The following PTBP3 variants were observed in gnomAD, a reference collection of about 807,000 sequenced individuals.
PTBP3 encodes the protein polypyrimidine tract binding protein 3.
PTBP3 carries 20 observed loss-of-function variants against 58.7 expected under a neutral mutation model. That is an observed-to-expected ratio of 0.34 (90% CI 0.24 to 0.50). The LOEUF (loss-of-function observed/expected upper bound fraction) is 0.50. Among genes scored for constraint, PTBP3 ranks in the 20% least tolerant of loss-of-function variants. PTBP3 has a pLI of 0.98. For missense variants in PTBP3, 509 were observed against 637.2 expected (o/e 0.80, Z 2.17); for synonymous variants, 185 against 219.8 (o/e 0.84, Z 1.40).
chr9:112,245,287 G>A (rs539245939), intron 7 of PTBP3, among the ~76,000 whole-genome samples: 3 of 152,208 alleles, frequency 2.0e-5, no homozygotes, highest in Non-Finnish European at 4.4e-5. Flanking sequence ...TCCAGCCTGG[G>A]CAGAGCGAGA....
chr9:112,362,300 C>G, the PTBP3 span, among the ~76,000 whole-genome samples: 1 of 152,092 alleles, frequency 6.6e-6, no homozygotes, highest in Non-Finnish European at 1.5e-5. Flanking sequence ...CCCTGTCTAG[C>G]AAAAGGAAAA....
At chr9:112,284,285 C>A (rs1828007785) in intron 2 of PTBP3, among the ~76,000 whole-genome samples, 1 of 152,192 alleles carries the variant, frequency 6.6e-6, no homozygotes, top group Non-Finnish European at 1.5e-5. Flanking sequence ...GCCACAGGGG[C>A]TGAACCCTGC....
intron 2 of PTBP3, among the ~76,000 whole-genome samples, chr9:112,291,195 C>G (rs1295336039): frequency 3.3e-5 from 5 of 151,466 alleles, no homozygotes; most frequent in Non-Finnish European, 5.9e-5. Context: ...GCACTCCAGA[C>G]TGGGCAACAA....
intron 6 of PTBP3, 65 bp from the exon 7 acceptor site, chr9:112,251,168 A>T (rs1016656711): frequency 7.7e-7 from 1 of 1,298,770 alleles, no homozygotes; most frequent in Admixed American, 2.8e-5. Flanking sequence ...AGAAGCCTCT[A>T]CTTTGACAAA....
At chr9:112,306,214 A>T (rs1829199407) in intron 1 of PTBP3, among the ~76,000 whole-genome samples, 1 of 151,930 alleles carries the variant, frequency 6.6e-6, no homozygotes, top group Admixed American at 6.6e-5. Context: ...GCCCAGGCTG[A>T]AGTGCAGTGG....
intron 2 of PTBP3, among the ~76,000 whole-genome samples, chr9:112,289,907 T>C (rs1781971249): frequency 6.6e-6 from 1 of 152,214 alleles, no homozygotes; most frequent in Non-Finnish European, 1.5e-5. Context: ...TTCTTTAACA[T>C]TCAGCTTCAT....
At chr9:112,320,291 A>AATATATATATATATATATATATAT in intron 1 of PTBP3, among the ~76,000 whole-genome samples, 1 of 73,536 alleles carries the variant, frequency 1.4e-5, no homozygotes, top group African/African-American at 9.0e-5. Context: ...AAAAAAAAAA[A>AATATATATATATATATATATATAT]ATATATATAT....
rs200127823 is a variant in PTBP3, at chr9:112,323,748, T to C, written c.-52+9722A>G. ...AATGCAAAGGAAAATAATTAGAGAA[T>C]GTCCAAGAACTGTGGGACAATTTCA... On this transcript the variant is annotated intron_variant, in intron 1 of 13. Transcript: ENST00000374257. 5.3e-5 allele frequency among the ~76,000 whole-genome samples: 8 copies of C among 152,302 alleles called. No homozygotes were observed. In the East Asian group the frequency reaches 1.5e-3, roughly 29 times the overall value.
At chr9:112,331,163 T>C (rs1830358636) in intron 1 of PTBP3, among the ~76,000 whole-genome samples, 1 of 151,264 alleles carries the variant, frequency 6.6e-6, no homozygotes, top group African/African-American at 2.4e-5. Flanking sequence ...ACTAGAAAGA[T>C]ATGTTGACTG....
At chr9:112,377,995 G>A in the PTBP3 span, among the ~76,000 whole-genome samples, 1 of 152,246 alleles carries the variant, frequency 6.6e-6, no homozygotes, top group Non-Finnish European at 1.5e-5. Context: ...GCTTTTAAAT[G>A]GCTTCTGTGC....
In PTBP3 at chr9:112,223,843, C is replaced by T. The variant is rs1161817810; in HGVS notation, c.*8G>A. On this transcript the variant is annotated 3_prime_UTR_variant, in exon 14 of 14. Coordinates refer to ENST00000374257, the MANE Select transcript of PTBP3 (RefSeq NM_001163788.4). Reference sequence around the variant, plus strand: ...GGTCCAGTTTTAGGAGAAAAATTCACAGAAAAGTCAGATTGTAGATTTTGA... The same window carrying T: ...GGTCCAGTTTTAGGAGAAAAATTCATAGAAAAGTCAGATTGTAGATTTTGA... The T allele has an allele frequency of 6.2e-7, 1 of 1,613,176 alleles. No individual in the cohort carries two copies. Among genetic ancestry groups the T allele is most frequent in the Non-Finnish European group, 8.5e-7 (1 of 1,179,554 alleles).
the PTBP3 span, among the ~76,000 whole-genome samples, chr9:112,379,443 A>T: frequency 1.7e-3 from 252 of 152,286 alleles, no homozygotes; most frequent in Non-Finnish European, 2.6e-3. Flanking sequence ...AGAAGTAGAA[A>T]CTTCTGCAAG....
At chr9:112,338,077 A>G (rs1035435710), upstream of PTBP3, among the ~76,000 whole-genome samples, 3 of 152,258 alleles carry the variant, frequency 2.0e-5, no homozygotes, top group Non-Finnish European at 4.4e-5. Flanking sequence ...TACATGCTGT[A>G]TGATTCCATT....
intron 10 of PTBP3, among the ~76,000 whole-genome samples, chr9:112,230,020 T>C (rs909346783): frequency 6.6e-6 from 1 of 152,208 alleles, no homozygotes; most frequent in South Asian, 2.1e-4. Flanking sequence ...CATATGAGCA[T>C]GAGGAATTTC....
At chr9:112,282,267 CTTTTT>C (rs1212125513) in intron 2 of PTBP3, among the ~76,000 whole-genome samples, 1 of 151,820 alleles carries the variant, frequency 6.6e-6, no homozygotes, top group African/African-American at 2.4e-5. Context: ...TGTGTCTTTC[CTTTTT>C]TTTGAGTCTA....
chr9:112,361,407 A>T, the PTBP3 span, among the ~76,000 whole-genome samples: 1 of 152,120 alleles, frequency 6.6e-6, no homozygotes, highest in African/African-American at 2.4e-5. Context: ...CCTAAACTTC[A>T]TAGACTTTAG....
chr9:112,285,052 G>T (rs1173812741), intron 2 of PTBP3, among the ~76,000 whole-genome samples: 1 of 152,144 alleles, frequency 6.6e-6, no homozygotes, highest in Non-Finnish European at 1.5e-5. Context: ...AGGGGCCGGG[G>T]CAGAATAATA....
intron 12 of PTBP3, among the ~76,000 whole-genome samples, chr9:112,226,655 T>G (rs1158368270): frequency 1.3e-5 from 2 of 152,224 alleles, no homozygotes; most frequent in Non-Finnish European, 2.9e-5. Context: ...TGGGCCATAT[T>G]GTCTCTGCTG....
chr9:112,240,820 A>G (rs887279803), intron 7 of PTBP3, among the ~76,000 whole-genome samples: 1 of 152,054 alleles, frequency 6.6e-6, no homozygotes, highest in Non-Finnish European at 1.5e-5. Context: ...GATATTGACA[A>G]TCCTGACCTT....
Sources: allele counts gnomAD v4.1 joint callset (sites outside exome capture counted in the v4.1 genomes callset), GRCh38; gene constraint gnomAD v4.1.1; transcripts MANE v1.5; gene names NCBI Gene and HGNC (gene_info 2026-07-23, HGNC 2026-07-21).